The following TENM3 variants were observed in gnomAD, a reference collection of about 807,000 sequenced individuals.
The protein encoded by TENM3 is teneurin transmembrane protein 3.
TENM3 carries 63 observed loss-of-function variants against 255.1 expected under a neutral mutation model. The observed-to-expected ratio is 0.25, with a 90% CI of 0.20 to 0.30. The LOEUF is 0.30. Among genes scored for constraint, TENM3 ranks in the 10% least tolerant of loss-of-function variants. The pLI is 1.00. For synonymous variants in TENM3, 1,306 were observed against 1,322.3 expected (o/e 0.99, Z 0.27); for missense variants, 2,929 against 3,461.1 (o/e 0.85, Z 3.86).
At chr4:182,032,446 G>T in the TENM3 span, among the ~76,000 whole-genome samples, 967 of 152,248 alleles carry the variant, frequency 6.4e-3, 15 homozygotes, top group African/African-American at 0.022. Flanking sequence ...GCTGGATTTG[G>T]TTTGCCAGTA....
intron 3 of TENM3, among the ~76,000 whole-genome samples, chr4:182,536,325 T>C (rs918144143): frequency 2.4e-4 from 36 of 152,216 alleles, no homozygotes; most frequent in African/African-American, 8.7e-4. Context: ...CTTTCTTCTA[T>C]CAGTGTGGCC....
At chr4:182,425,685 A>C (rs1771151839) in intron 3 of TENM3, among the ~76,000 whole-genome samples, 1 of 152,152 alleles carries the variant, frequency 6.6e-6, no homozygotes, top group Admixed American at 6.5e-5. Context: ...AATGAATTCA[A>C]GTGAATTTTC....
At chr4:181,637,140 C>A in the TENM3 span, among the ~76,000 whole-genome samples, 1 of 152,184 alleles carries the variant, frequency 6.6e-6, no homozygotes, top group African/African-American at 2.4e-5. Context: ...TACAAGATTG[C>A]GAAGCCCCTT....
At chr4:182,442,831 T>C (rs1238535754) in intron 3 of TENM3, among the ~76,000 whole-genome samples, 4 of 80,954 alleles carry the variant, frequency 4.9e-5, no homozygotes, top group Non-Finnish European at 1.0e-4. Context: ...TACATATATA[T>C]ACATACATAC....
At chr4:181,850,427 C>G in the TENM3 span, among the ~76,000 whole-genome samples, 1 of 151,864 alleles carries the variant, frequency 6.6e-6, no homozygotes, top group Non-Finnish European at 1.5e-5. Flanking sequence ...TTTCATATGA[C>G]ATTTAAAATA....
At chr4:182,635,925 G>A (rs560049903) in intron 5 of TENM3, among the ~76,000 whole-genome samples, 3 of 152,276 alleles carry the variant, frequency 2.0e-5, no homozygotes, top group South Asian at 2.1e-4. Context: ...GGGAAAATAC[G>A]CCAGCCCTTT....
chr4:181,497,805 C>T, the TENM3 span, among the ~76,000 whole-genome samples: 1 of 152,302 alleles, frequency 6.6e-6, no homozygotes, highest in East Asian at 1.9e-4. Flanking sequence ...TACAGTTTCA[C>T]ATTTGTTGCT....
chr4:182,569,149 C>T (rs1009534981), intron 3 of TENM3, among the ~76,000 whole-genome samples: 1 of 152,204 alleles, frequency 6.6e-6, no homozygotes, highest in Non-Finnish European at 1.5e-5. Flanking sequence ...ATGTTAATTA[C>T]ACCTCAGTTA....
At chr4:181,894,095 A>G in the TENM3 span, among the ~76,000 whole-genome samples, 1 of 152,186 alleles carries the variant, frequency 6.6e-6, no homozygotes, top group Non-Finnish European at 1.5e-5. Flanking sequence ...AACACCTGCA[A>G]AGAGAATGTC....
At chr4:181,914,547 C>A in the TENM3 span, among the ~76,000 whole-genome samples, 2 of 152,282 alleles carry the variant, frequency 1.3e-5, no homozygotes, top group South Asian at 2.1e-4. Flanking sequence ...CCCCGGTACC[C>A]AGCATTGTCC....
At position 182,799,868 on chromosome 4, in the gene TENM3, C is replaced by T. The variant is rs768448828; in HGVS notation, c.7617C>T (p.Phe2539=). ...NNAFYLENLH[F]TIEGKDTHYF... ...CCTTCTACCTGGAGAACCTGCACTT[C>T]ACCATCGAGGGCAAGGACACGCACT... The change falls in exon 28 of 28, where the codon TTC becomes TTT. Residue 2539 remains phenylalanine, a synonymous_variant. Coordinates refer to ENST00000511685, the MANE Select transcript of TENM3 (RefSeq NM_001080477.4). The surrounding 1 kb of genome is among the most constrained non-coding windows in gnomAD (Gnocchi z 4.2). 2 of 1,610,986 alleles carry T rather than the reference C, an allele frequency of 1.2e-6. No individual in the cohort carries two copies. Among genetic ancestry groups the T allele is most frequent in the Non-Finnish European group, 1.7e-6 (2 of 1,178,910 alleles).
chr4:181,941,829 C>T, the TENM3 span, among the ~76,000 whole-genome samples: 2 of 152,134 alleles, frequency 1.3e-5, no homozygotes, highest in African/African-American at 4.8e-5. Context: ...AGTTGTTTCA[C>T]AGGACTGACA....
the TENM3 span, among the ~76,000 whole-genome samples, chr4:181,977,708 GGGGT>G: frequency 6.6e-6 from 1 of 152,138 alleles, no homozygotes; most frequent in Non-Finnish European, 1.5e-5. Context: ...CAGGGCACCT[GGGGT>G]GGGTATTTTA....
At chr4:181,578,695 C>A in the TENM3 span, among the ~76,000 whole-genome samples, 1,012 of 152,286 alleles carry the variant, frequency 6.6e-3, 7 homozygotes, top group Middle Eastern at 0.014. Flanking sequence ...TCTTCTCAGG[C>A]CTCTTCCCTT....
chr4:181,533,468 G>T, the TENM3 span, among the ~76,000 whole-genome samples: 1 of 152,086 alleles, frequency 6.6e-6, no homozygotes, highest in Non-Finnish European at 1.5e-5. Context: ...AACAACATGT[G>T]TTTCCATACC....
chr4:181,988,061 C>G, the TENM3 span, among the ~76,000 whole-genome samples: 1 of 151,888 alleles, frequency 6.6e-6, no homozygotes. Flanking sequence ...ATTAAAACTC[C>G]CAGCCCAATT....
intron 1 of TENM3, among the ~76,000 whole-genome samples, chr4:182,217,127 T>G (rs1354250068): frequency 6.8e-6 from 1 of 147,708 alleles, no homozygotes; most frequent in Admixed American, 6.8e-5. Flanking sequence ...TTGAAGCCAT[T>G]CTCCTGCCTC....
intron 2 of TENM3, among the ~76,000 whole-genome samples, chr4:182,340,704 TGCAAATACA>T (rs918446720): frequency 7.9e-5 from 12 of 152,216 alleles, no homozygotes; most frequent in African/African-American, 2.9e-4. Flanking sequence ...CTTACGATTT[TGCAAATACA>T]GCAAAAGAGA....
At chr4:181,774,003 G>GT in the TENM3 span, among the ~76,000 whole-genome samples, 19,018 of 88,662 alleles carry the variant, frequency 0.21, 1,948 homozygotes, top group Non-Finnish European at 0.31. Flanking sequence ...TGGTGGCTGT[G>GT]TTTTTTTTTT....
Sources: allele counts gnomAD v4.1 joint callset (sites outside exome capture counted in the v4.1 genomes callset), GRCh38; gene constraint gnomAD v4.1.1; non-coding constraint Gnocchi (gnomAD v3.1); transcripts MANE v1.5; gene names NCBI Gene and HGNC (gene_info 2026-07-23, HGNC 2026-07-21).